The following TECPR1 variants were observed in gnomAD, a reference collection of about 807,000 sequenced individuals.
The protein encoded by TECPR1 is tectonin beta-propeller repeat containing 1, also known as tectonin beta-propeller repeat-containing protein 1.
Under a neutral mutation model 162.4 loss-of-function variants are expected in TECPR1, and 122 were observed. That is an observed-to-expected ratio of 0.75 (90% CI 0.65 to 0.87). The LOEUF is 0.87. Ranked by LOEUF, TECPR1 falls within the 40% of genes least tolerant of loss-of-function variation. The pLI, the probability that TECPR1 is intolerant of heterozygous loss-of-function variation, is 0.00. For missense variants in TECPR1, 1,432 were observed against 1,618.2 expected (o/e 0.88, Z 1.97); for synonymous variants, 642 against 670.6 (o/e 0.96, Z 0.66).
chr7:98,240,570 T>C (rs557831811), intron 8 of TECPR1, among the ~76,000 whole-genome samples: 2 of 152,100 alleles, frequency 1.3e-5, no homozygotes, highest in African/African-American at 4.8e-5. Flanking sequence ...CCCGCCACCA[T>C]GCCCAGCTAA....
chr7:98,224,855 C>A lies in TECPR1; in HGVS notation c.2636G>T (p.Ser879Ile). 1 of 1,571,950 alleles carries A rather than the reference C, an allele frequency of 6.4e-7. No individual in the cohort carries two copies. The highest frequency in any genetic ancestry group is 1.3e-5 in the African/African-American group (1 of 74,076). ...CTCCTGGTCCGTGCCCCCCGGAACG[C>A]TGAAATCCACGAACCAGTCGGAAAC... ...AWVSDWFVDF[S>I]VPGGTDQEGW... is the part of the protein sequence containing the mutation. Residue 879 changes from serine (S) to isoleucine (I), a missense_variant, in exon 19 of 26, where the codon AGC becomes ATC. Transcript: ENST00000447648.
intron 17 of TECPR1, among the ~76,000 whole-genome samples, chr7:98,225,303 C>T (rs1012591915): frequency 1.1e-4 from 17 of 152,292 alleles, no homozygotes; most frequent in African/African-American, 3.4e-4. Context: ...GGGAGGCTGA[C>T]GCGGGCAGAT....
At chr7:98,244,811 G>A (rs1798859632) in intron 4 of TECPR1, 74 bp downstream of exon 4, 1 of 1,595,212 alleles carries the variant, frequency 6.3e-7, no homozygotes, top group Non-Finnish European at 8.6e-7. Flanking sequence ...CAGGGTGCAG[G>A]GGACAGAAGC....
Position 98,241,348 on chromosome 7 carries a change from TC to T in TECPR1, c.658-105del. 1 of 1,413,954 alleles carries T rather than the reference TC, an allele frequency of 7.1e-7. No individual in the cohort carries two copies. The highest frequency in any genetic ancestry group is 9.7e-7 in the Non-Finnish European group (1 of 1,029,840). 87.6% of individuals were successfully genotyped at this position (1,413,954 alleles called of 1,614,324 possible). On this transcript the variant is annotated intron_variant, in intron 6 of 25. Transcript: ENST00000447648. The surrounding 1 kb of genome is among the most constrained non-coding windows in gnomAD (Gnocchi z 5.0). ...GGGTAGGACCCATGTCCCCTGACCGTCCAGATCTCACTCCCTGCCCCCTACC... is the reference window on the plus strand; with the variant it reads ...GGGTAGGACCCATGTCCCCTGACCGTCAGATCTCACTCCCTGCCCCCTACC...
chr7:98,219,187 T>A (rs1353513414), intron 23 of TECPR1, among the ~76,000 whole-genome samples: 1 of 152,128 alleles, frequency 6.6e-6, no homozygotes, highest in South Asian at 2.1e-4. Flanking sequence ...GATAGTCGCA[T>A]GTAGAATAAT....
chr7:98,241,386 A>C lies in TECPR1; in HGVS notation c.658-142T>G. 1.0e-6 allele frequency: 1 copy of C among 982,222 alleles called. No individual in the cohort carries two copies. Among genetic ancestry groups the C allele is most frequent in the Non-Finnish European group, 1.5e-6 (1 of 668,730 alleles). 60.8% of individuals were successfully genotyped at this position (982,222 alleles called of 1,614,324 possible). On this transcript the variant is annotated intron_variant, in intron 6 of 25. Coordinates refer to ENST00000447648, the MANE Select transcript of TECPR1 (RefSeq NM_015395.3). The surrounding 1 kb of genome is among the most constrained non-coding windows in gnomAD (Gnocchi z 5.0). ...CCCTGCCCCCTACCCCGGCCAAAAA[A>C]CGCAAACCCTGGATTCCGGTGGTCC...
intron 17 of TECPR1, chr7:98,226,477 T>C (rs889439869): frequency 1.1e-5 from 11 of 1,018,678 alleles, no homozygotes; most frequent in Non-Finnish European, 1.2e-5. Flanking sequence ...CACCTCCCTG[T>C]GCCTGGCCTT....
intron 22 of TECPR1, 127 bp downstream of exon 22, chr7:98,222,259 G>A: frequency 7.4e-7 from 1 of 1,343,816 alleles, no homozygotes; most frequent in Non-Finnish European, 1.0e-6. Flanking sequence ...GTCCCAGTGG[G>A]AGGGGGACTC....
Position 98,229,212 on chromosome 7 carries a change from T to G in TECPR1, c.2283-46A>C, listed in dbSNP as rs1256057451. 4 of 1,533,004 alleles carry G rather than the reference T, an allele frequency of 2.6e-6. No individual in the cohort carries two copies. The African/African-American group carries it at 5.5e-5, about 21-fold the overall frequency. The allele number at this position is 1,533,004 out of a possible 1,614,324, so 95.0% of individuals were successfully genotyped here. A position where few individuals can be genotyped will look rare whatever the true frequency, so the allele number is the denominator to read the frequency against. On this transcript the variant is annotated intron_variant, in intron 15 of 25. Transcript: ENST00000447648. Reference sequence around the variant, plus strand: ...AGGTGGAAACCCCTCAGACCCCACCTTCCAACCCTGCCTGGCTGCCCTTTT... The same window carrying G: ...AGGTGGAAACCCCTCAGACCCCACCGTCCAACCCTGCCTGGCTGCCCTTTT...
intron 21 of TECPR1, 118 bp downstream of exon 21, chr7:98,222,872 C>A: frequency 7.4e-7 from 1 of 1,356,174 alleles, no homozygotes; most frequent in Non-Finnish European, 1.0e-6. Context: ...GGGACCCACT[C>A]GGACCACAGG....
rs1204245189 is a variant in TECPR1 at position 98,241,654 on chromosome 7, G to T, written c.658-410C>A. On this transcript the variant is annotated intron_variant, in intron 6 of 25. Coordinates refer to ENST00000447648, the MANE Select transcript of TECPR1 (RefSeq NM_015395.3). The surrounding 1 kb of genome is among the most constrained non-coding windows in gnomAD (Gnocchi z 5.0). ...CAGTTCTTTTTTCCTTCACTGAATG[G>T]TTAAGACTGGGAGCAACGTGCTCAG... Among the ~76,000 whole-genome samples the T allele has an allele frequency of 6.6e-6, 1 of 152,194 alleles. No individual in the cohort carries two copies. The highest frequency in any genetic ancestry group is 2.4e-5 in the African/African-American group (1 of 41,438).
intron 5 of TECPR1, among the ~76,000 whole-genome samples, chr7:98,244,248 G>A (rs1584356555): frequency 6.6e-6 from 1 of 152,202 alleles, no homozygotes; most frequent in Non-Finnish European, 1.5e-5. Flanking sequence ...AGCAACGCTA[G>A]AGCCAGAGGT....
chr7:98,231,420 G>A, intron 13 of TECPR1, 47 bp from the exon 14 acceptor site: 1 of 1,544,636 alleles, frequency 6.5e-7, no homozygotes, highest in Non-Finnish European at 8.7e-7. Context: ...CAGGGCAGGA[G>A]GCCTCTGGAG....
At chr7:98,218,080 T>C (rs992269209) in intron 23 of TECPR1, 38 bp from the exon 24 acceptor site, 12 of 1,504,900 alleles carry the variant, frequency 8.0e-6, no homozygotes, top group Admixed American at 4.0e-5. Context: ...GGGGAAGACC[T>C]TCCCGGCCCC....
At chr7:98,230,136 A>G (rs1798386225) in intron 15 of TECPR1, among the ~76,000 whole-genome samples, 1 of 150,718 alleles carries the variant, frequency 6.6e-6, no homozygotes, top group Non-Finnish European at 1.5e-5. Flanking sequence ...AGCTGGAACT[A>G]CAAGTGCATG....
In TECPR1 at chr7:98,230,063, C is replaced by G. The variant is rs560462736; in HGVS notation, c.2283-897G>C. ...TGGAGTGCCGTGGTGTGAGTGTGAT[C>G]ACACCTCACTGCAGCCTTGAACTCC... On this transcript the variant is annotated intron_variant, in intron 15 of 25. Coordinates refer to ENST00000447648, the MANE Select transcript of TECPR1 (RefSeq NM_015395.3). Among the ~76,000 whole-genome samples, 8 of 149,980 alleles carry G rather than the reference C, an allele frequency of 5.3e-5. No individual in the cohort carries two copies. In the East Asian group the frequency reaches 1.6e-3, roughly 30 times the overall value.
chr7:98,216,290 GAC>G lies in TECPR1; in HGVS notation c.*1098_*1099del, dbSNP rs1798005845. 6.6e-6 allele frequency: 1 copy of G among 152,382 alleles called. No homozygotes were observed. Among genetic ancestry groups the G allele is most frequent in the South Asian group, 2.1e-4 (1 of 4,840 alleles). 9.4% of individuals were successfully genotyped at this position (152,382 alleles called of 1,614,324 possible). The stretch of plus-strand genomic sequence containing the variant: ...GAGGGTCCCATGGCCACTGCCGACA[GAC>G]ACAGTAGTACTGCTCCCCACAGAAG... On this transcript the variant is annotated 3_prime_UTR_variant, in exon 26 of 26. Coordinates refer to ENST00000447648, the MANE Select transcript of TECPR1 (RefSeq NM_015395.3).
chr7:98,225,571 A>T (rs1302796809), intron 17 of TECPR1, among the ~76,000 whole-genome samples: 1 of 151,480 alleles, frequency 6.6e-6, no homozygotes, highest in Non-Finnish European at 1.5e-5. Flanking sequence ...AGGGGGGAAA[A>T]TTTGGACACA....
At position 98,221,751 on chromosome 7, in the gene TECPR1, C is replaced by T; in HGVS notation, c.3067G>A (p.Asp1023Asn). 1 of 1,612,238 alleles carries T rather than the reference C, an allele frequency of 6.2e-7. No homozygotes were observed. The highest frequency in any genetic ancestry group is 8.5e-7 in the Non-Finnish European group (1 of 1,179,198). Residue 1023 changes from aspartate (D) to asparagine (N), a missense_variant and splice_region_variant, in exon 23 of 26, where the codon GAC becomes AAC. By Grantham distance (23) the Asp-to-Asn change is conservative. Transcript: ENST00000447648. Reference protein sequence around the residue: ...GSVYPSQPAGDCWYHIPSPPR... With the variant: ...GSVYPSQPAGNCWYHIPSPPR... The stretch of plus-strand genomic sequence containing the variant: ...GGGGACGGGATGTGGTACCAGCAGT[C>T]ACCTGCGAAGGGGAGGCTGACTCAG...
Sources: allele counts gnomAD v4.1 joint callset (sites outside exome capture counted in the v4.1 genomes callset), GRCh38; gene constraint gnomAD v4.1.1; non-coding constraint Gnocchi (gnomAD v3.1); transcripts MANE v1.5; gene names NCBI Gene and HGNC (gene_info 2026-07-23, HGNC 2026-07-21).